TRMT11: variants seen among roughly 807,000 people sequenced by gnomAD.
The protein encoded by TRMT11 is tRNA (guanine(10)-N(2))-methyltransferase TRMT11.
A neutral mutation model predicts 62.8 loss-of-function variants in TRMT11; 53 were observed. That is an observed-to-expected ratio of 0.84 (90% CI 0.68 to 1.06). The LOEUF is 1.06. TRMT11 is among the 50% of genes least tolerant of loss of function. The probability of loss-of-function intolerance (pLI) is 0.00; values close to 1 mark genes in which losing one functional copy is unlikely to be tolerated. For missense variants in TRMT11, 556 were observed against 553.4 expected, an observed-to-expected ratio of 1.00 and a Z score of -0.05; for synonymous variants, 188 against 190.3, an observed-to-expected ratio of 0.99 and a Z score of 0.10.
intron 21 of TRMT11, among the ~76,000 whole-genome samples, chr6:126,170,293 A>T (rs6913086): frequency 0.046 from 7,013 of 152,102 alleles, 553 homozygotes; most frequent in African/African-American, 0.16. Flanking sequence ...CCCGAAACTG[A>T]TTCTTACTTT....
chr6:126,130,877 T>C (rs1777774721), intron 21 of TRMT11, among the ~76,000 whole-genome samples: 1 of 152,080 alleles, frequency 6.6e-6, no homozygotes, highest in Admixed American at 6.6e-5. Flanking sequence ...GAGCCTTTGC[T>C]CCTCCACATA....
At chr6:126,184,721 C>A (rs1327385224) in intron 1 of TRMT11, among the ~76,000 whole-genome samples, 1 of 152,168 alleles carries the variant, frequency 6.6e-6, no homozygotes, top group Admixed American at 6.5e-5. Context: ...ATTGTAGACC[C>A]AGCCAGTGTT....
intron 21 of TRMT11, among the ~76,000 whole-genome samples, chr6:126,155,920 G>A (rs1327901764): frequency 6.6e-6 from 1 of 152,024 alleles, no homozygotes; most frequent in Non-Finnish European, 1.5e-5. Flanking sequence ...TAGAGATGGG[G>A]TTTCAACGTG....
the TRMT11 span, chr6:126,258,307 G>A: frequency 2.3e-6 from 1 of 436,726 alleles, no homozygotes; most frequent in South Asian, 1.9e-5. Flanking sequence ...AGCCACCACT[G>A]CCCCGCCCTG....
intron 17 of TRMT11, among the ~76,000 whole-genome samples, chr6:126,054,214 G>A (rs908732172): frequency 7.2e-5 from 11 of 152,182 alleles, no homozygotes; most frequent in African/African-American, 2.7e-4. Flanking sequence ...TTGACAAAGG[G>A]TGCCTGTAAA....
the TRMT11 span, among the ~76,000 whole-genome samples, chr6:126,257,180 C>T: frequency 1.3e-5 from 2 of 151,956 alleles, no homozygotes; most frequent in Non-Finnish European, 2.9e-5. Flanking sequence ...GCCACTGTGC[C>T]CGGCCTAGCC....
chr6:126,154,190 A>G (rs897607271), intron 21 of TRMT11, among the ~76,000 whole-genome samples: 6 of 152,236 alleles, frequency 3.9e-5, no homozygotes, highest in Non-Finnish European at 7.3e-5. Flanking sequence ...TTCAGTCTTT[A>G]TAGTGTATTG....
intron 21 of TRMT11, among the ~76,000 whole-genome samples, chr6:126,170,651 C>G (rs1348398580): frequency 6.6e-6 from 1 of 152,076 alleles, no homozygotes; most frequent in African/African-American, 2.4e-5. Context: ...TACCTCAGGT[C>G]TCACTCCACA....
At chr6:126,170,867 C>T (rs1232804312) in intron 21 of TRMT11, among the ~76,000 whole-genome samples, 1 of 152,038 alleles carries the variant, frequency 6.6e-6, no homozygotes, top group Non-Finnish European at 1.5e-5. Flanking sequence ...GTGAAAACTG[C>T]TTTGGTTACA....
chr6:126,187,903 G>T (rs1346056409), intron 1 of TRMT11, among the ~76,000 whole-genome samples: 1 of 150,708 alleles, frequency 6.6e-6, no homozygotes, highest in African/African-American at 2.5e-5. Context: ...AATGGCAATG[G>T]AACAATTCAC....
chr6:126,045,668 A>G (rs1776035096), intron 16 of TRMT11, among the ~76,000 whole-genome samples: 1 of 152,148 alleles, frequency 6.6e-6, no homozygotes, highest in Admixed American at 6.5e-5. Flanking sequence ...GTTAGCTTCA[A>G]GTCCACCCCA....
chr6:126,134,792 A>G (rs1302016462), intron 21 of TRMT11, among the ~76,000 whole-genome samples: 3 of 151,942 alleles, frequency 2.0e-5, no homozygotes, highest in Admixed American at 6.6e-5. Context: ...CATATCAAGT[A>G]TATTTTCTGA....
the TRMT11 span, among the ~76,000 whole-genome samples, chr6:126,257,445 T>C: frequency 2.0e-4 from 30 of 152,096 alleles, no homozygotes; most frequent in Non-Finnish European, 3.4e-4. Flanking sequence ...ATCAGGAATA[T>C]TGGCCTATAG....
the TRMT11 span, among the ~76,000 whole-genome samples, chr6:126,241,399 A>G: frequency 6.6e-5 from 10 of 152,200 alleles, no homozygotes. Flanking sequence ...TTCTGAAACT[A>G]TTCCAATCAA....
the TRMT11 span, among the ~76,000 whole-genome samples, chr6:126,226,090 C>G: frequency 2.0e-5 from 3 of 152,146 alleles, no homozygotes; most frequent in Non-Finnish European, 4.4e-5. Context: ...AACCTTGAAG[C>G]TCTAAATTTA....
the TRMT11 span, among the ~76,000 whole-genome samples, chr6:126,216,317 G>A: frequency 6.6e-6 from 1 of 152,020 alleles, no homozygotes; most frequent in Non-Finnish European, 1.5e-5. Context: ...TGTTTTTGAT[G>A]TAGGCACTTA....
chr6:126,227,855 A>C, the TRMT11 span, among the ~76,000 whole-genome samples: 1 of 152,326 alleles, frequency 6.6e-6, no homozygotes. Flanking sequence ...CTTCCTGTTA[A>C]GTGATCCTGG....
chr6:126,061,665 C>G (rs1164136934), intron 17 of TRMT11, among the ~76,000 whole-genome samples: 1 of 151,962 alleles, frequency 6.6e-6, no homozygotes, highest in African/African-American at 2.4e-5. Context: ...ATGGCACCTT[C>G]CTCGTCAGAA....
chr6:126,248,420 C>A, the TRMT11 span, among the ~76,000 whole-genome samples: 5 of 151,924 alleles, frequency 3.3e-5, no homozygotes, highest in Non-Finnish European at 7.4e-5. Context: ...TGTATCTTCA[C>A]CTTTTCTGTA....
Sources: allele counts gnomAD v4.1 joint callset (sites outside exome capture counted in the v4.1 genomes callset), GRCh38; gene constraint gnomAD v4.1.1; transcripts MANE v1.5; gene names NCBI Gene and HGNC (gene_info 2026-07-23, HGNC 2026-07-21).